ACYP2: variants seen among roughly 807,000 people sequenced by gnomAD.
The protein encoded by ACYP2 is acylphosphatase-2.
In ACYP2, 12 loss-of-function variants were observed where a neutral mutation model predicts 11.2. That is an observed-to-expected ratio of 1.08 (90% CI 0.69 to 1.74). ACYP2 has a LOEUF of 1.74. Ranked by LOEUF, ACYP2 falls within the 40% of genes most tolerant of loss-of-function variation. The probability of loss-of-function intolerance (pLI) is 0.00; values close to 1 mark genes in which losing one functional copy is unlikely to be tolerated. For missense variants in ACYP2, 134 were observed against 101.9 expected (o/e 1.31, Z -1.35); for synonymous variants, 43 against 32.2 (o/e 1.33, Z -1.13).
At chr2:54,259,026 CAT>C (rs1464554898) in intron 6 of ACYP2, among the ~76,000 whole-genome samples, 1 of 152,156 alleles carries the variant, frequency 6.6e-6, no homozygotes, top group Non-Finnish European at 1.5e-5. Flanking sequence ...GCAAGAAAAA[CAT>C]AAATCCATCT....
chr2:54,118,415 T>A (rs568304705), intron 4 of ACYP2, among the ~76,000 whole-genome samples: 4 of 152,238 alleles, frequency 2.6e-5, no homozygotes, highest in African/African-American at 9.6e-5. Context: ...AGCATTTCAC[T>A]GTTGTTTACT....
intron 2 of ACYP2, among the ~76,000 whole-genome samples, chr2:54,003,333 C>T (rs542375340): frequency 6.6e-6 from 1 of 152,032 alleles, no homozygotes; most frequent in South Asian, 2.1e-4. Flanking sequence ...GATCTTGGCT[C>T]ACCGCAACCT....
chr2:54,255,940 A>C, intron 6 of ACYP2: 1 of 1,614,088 alleles, frequency 6.2e-7, no homozygotes, highest in Non-Finnish European at 8.5e-7. Context: ...CAAGATGTGG[A>C]AAGTATGGCC....
intron 2 of ACYP2, among the ~76,000 whole-genome samples, chr2:54,022,043 C>T (rs186422358): frequency 6.6e-6 from 1 of 152,118 alleles, no homozygotes. Context: ...CTTGCTTTCC[C>T]CCACAACTTC....
At chr2:54,104,362 T>C (rs1402187127) in intron 4 of ACYP2, among the ~76,000 whole-genome samples, 2 of 152,262 alleles carry the variant, frequency 1.3e-5, no homozygotes, top group African/African-American at 4.8e-5. Context: ...CCTCCCACTA[T>C]GTACCTTTGG....
intron 6 of ACYP2, among the ~76,000 whole-genome samples, chr2:54,232,393 G>A (rs1412703640): frequency 1.3e-5 from 2 of 152,204 alleles, no homozygotes; most frequent in Admixed American, 1.3e-4. Flanking sequence ...AGGGGCTTGG[G>A]GTCATTGACT....
intron 4 of ACYP2, among the ~76,000 whole-genome samples, chr2:54,116,898 G>A (rs1679841990): frequency 6.6e-6 from 1 of 152,170 alleles, no homozygotes; most frequent in African/African-American, 2.4e-5. Flanking sequence ...AAGTGGCGGG[G>A]TGAATAATTT....
intron 4 of ACYP2, among the ~76,000 whole-genome samples, chr2:54,059,751 C>T (rs77574888): frequency 0.011 from 1,686 of 152,286 alleles, 33 homozygotes; most frequent in African/African-American, 0.039. Flanking sequence ...TGCTGGGACT[C>T]ATCCTTCAGT....
rs186195138 is a variant in ACYP2 at position 54,285,614 on chromosome 2, T to G, written c.405-19074T>G. On this transcript the variant is annotated intron_variant, in intron 6 of 6. Transcript: ENST00000607452. ...TGTCCTCCAGTAATCATCCTCTCCT[T>G]CTATTGTAATACATGTGTTTTTACT... Among the ~76,000 whole-genome samples, 6 of 152,304 alleles carry G rather than the reference T, an allele frequency of 3.9e-5. No individual in the cohort carries two copies. In the East Asian group the frequency reaches 1.2e-3, roughly 29 times the overall value.
At chr2:54,163,625 G>T (rs1001362793) in intron 6 of ACYP2, among the ~76,000 whole-genome samples, 2 of 152,062 alleles carry the variant, frequency 1.3e-5, no homozygotes, top group African/African-American at 4.8e-5. Flanking sequence ...GAGGCCTAGG[G>T]GGGTGGCTCA....
At chr2:54,017,245 GC>G (rs1279319769) in intron 2 of ACYP2, among the ~76,000 whole-genome samples, 1 of 137,974 alleles carries the variant, frequency 7.2e-6, no homozygotes, top group East Asian at 2.1e-4. Flanking sequence ...AATCATATTG[GC>G]CGTTAAGTTT....
At chr2:53,987,775 A>G (rs1191984916) in intron 2 of ACYP2, among the ~76,000 whole-genome samples, 1 of 152,062 alleles carries the variant, frequency 6.6e-6, no homozygotes, top group East Asian at 1.9e-4. Flanking sequence ...TACCATTTTT[A>G]TATCCTCTTT....
chr2:54,008,620 A>G, intron 2 of ACYP2, among the ~76,000 whole-genome samples: 1 of 152,136 alleles, frequency 6.6e-6, no homozygotes. Context: ...TCAGACTCCC[A>G]AGTAGCTGGG....
chr2:54,039,633 C>T (rs528661022), intron 2 of ACYP2, among the ~76,000 whole-genome samples: 2 of 152,034 alleles, frequency 1.3e-5, no homozygotes, highest in South Asian at 4.2e-4. Context: ...CATCATGTTG[C>T]CCAAGCTGGT....
intron 4 of ACYP2, among the ~76,000 whole-genome samples, chr2:54,103,700 A>C (rs1679017419): frequency 6.6e-6 from 1 of 152,234 alleles, no homozygotes; most frequent in Non-Finnish European, 1.5e-5. Flanking sequence ...ACTATGAAAT[A>C]TGATTTATTT....
chr2:54,084,721 A>G (rs1677855119), intron 4 of ACYP2: 1 of 152,216 alleles, frequency 6.6e-6, no homozygotes, highest in African/African-American at 2.4e-5. Context: ...AGTATTATTT[A>G]TTAGGAAAGT....
At chr2:54,238,614 G>T (rs1418975441) in intron 6 of ACYP2, among the ~76,000 whole-genome samples, 1 of 151,958 alleles carries the variant, frequency 6.6e-6, no homozygotes, top group African/African-American at 2.4e-5. Flanking sequence ...TGAAGATATA[G>T]CTTTCATTAG....
chr2:54,040,885 G>A (rs1452485475), intron 2 of ACYP2, among the ~76,000 whole-genome samples: 1 of 152,136 alleles, frequency 6.6e-6, no homozygotes, highest in African/African-American at 2.4e-5. Context: ...GTAGCTGAAA[G>A]AGGAAGTGAG....
rs576356902 is a variant in ACYP2 at position 54,249,370 on chromosome 2, G to A, written c.405-55318G>A. On this transcript the variant is annotated intron_variant, in intron 6 of 6. Transcript: ENST00000607452. ...AGTCCTTATTTCCTACCTCGGTGGAGCTTGCAGTGAGCCAAGATCGCGCCA... is the reference window on the plus strand; with the variant it reads ...AGTCCTTATTTCCTACCTCGGTGGAACTTGCAGTGAGCCAAGATCGCGCCA... Among the ~76,000 whole-genome samples the A allele has an allele frequency of 2.2e-4, 33 of 151,196 alleles. 1 individual carries two copies. The South Asian group carries it at 6.9e-3, about 32-fold the overall frequency.
Sources: gnomAD v4.1 joint callset for allele counts (sites outside exome capture counted in the v4.1 genomes callset) on GRCh38, gnomAD v4.1.1 for gene constraint, MANE v1.5 for transcripts, NCBI Gene and HGNC (gene_info 2026-07-23, HGNC 2026-07-21) for gene names.